IMPG1: variants seen among roughly 807,000 people sequenced by gnomAD.
IMPG1 encodes the protein interphotoreceptor matrix proteoglycan 1.
In IMPG1, 85 loss-of-function variants were observed where a neutral mutation model predicts 92.0. The ratio of observed to expected loss-of-function variants is 0.92; its 90% CI spans 0.78 to 1.11. IMPG1 has a LOEUF of 1.11. IMPG1 is among the 50% of genes least tolerant of loss of function. The pLI is 0.00. For synonymous variants in IMPG1, 367 were observed against 334.1 expected (o/e 1.10, Z -1.08); for missense variants, 1,022 against 956.0 (o/e 1.07, Z -0.91).
In IMPG1 at chr6:75,931,101, A is replaced by G. The variant is rs894799200; in HGVS notation, c.2095T>C (p.Cys699Arg). ...TCCTCAGTCCGTTCGTTCTTTACACATTGGGCAAATTCGCCGCAGGCCAGG... is the reference window on the plus strand; with the variant it reads ...TCCTCAGTCCGTTCGTTCTTTACACGTTGGGCAAATTCGCCGCAGGCCAGG... Reference protein sequence around the residue: ...KFLACGEFAQCVKNERTEEAE... With the variant: ...KFLACGEFAQRVKNERTEEAE... Residue 699 changes from cysteine (C) to arginine (R), a missense_variant, in exon 15 of 17, where the codon TGT becomes CGT. Physicochemically the swap from Cys to Arg is radical, Grantham distance 180. Transcript: ENST00000369950. The G allele has an allele frequency of 9.3e-6, 15 of 1,614,122 alleles. No homozygotes were observed. Among genetic ancestry groups the G allele is most frequent in the Non-Finnish European group, 1.3e-5 (15 of 1,180,008 alleles).
chr6:76,034,847 C>G, intron 2 of IMPG1, 60 bp from the exon 3 acceptor site: 3 of 1,426,402 alleles, frequency 2.1e-6, no homozygotes, highest in Non-Finnish European at 1.9e-6. Context: ...CAATCCCAAG[C>G]AAAGTCTAAT....
Position 76,034,381 on chromosome 6 carries a change from A to C in IMPG1, c.469-38T>G, listed in dbSNP as rs1783699672. The stretch of plus-strand genomic sequence containing the variant: ...AAAGATAAAATGTAATTTTACCAGG[A>C]GATAATGCCAACCGAAGAGTTAAAG... On this transcript the variant is annotated intron_variant, in intron 3 of 16. Transcript: ENST00000369950. 1.9e-6 allele frequency: 3 copies of C among 1,577,648 alleles called. No homozygotes were observed. The South Asian group carries it at 3.3e-5, about 18-fold the overall frequency.
intron 4 of IMPG1, among the ~76,000 whole-genome samples, chr6:76,025,696 A>T (rs1253374015): frequency 2.0e-5 from 3 of 152,074 alleles, no homozygotes; most frequent in African/African-American, 7.2e-5. Context: ...TAATAAAGTA[A>T]CTCTTGTGGT....
At position 75,947,513 on chromosome 6, in the gene IMPG1, G is replaced by T. The variant is rs779171435; in HGVS notation, c.1845C>A (p.Ser615=). 3 of 1,613,332 alleles carry T rather than the reference G, an allele frequency of 1.9e-6. No individual in the cohort carries two copies. Among genetic ancestry groups the T allele is most frequent in the South Asian group, 1.1e-5 (1 of 91,016 alleles). ...CAAGTTGCTTAAATCCTGTAAGATT[G>T]GATCGTAGATATGGAACCAGCTGCA... The part of the protein sequence containing the change: ...FTQLLVPYLR[S]NLTGFKQLEI... Residue 615 remains serine, a synonymous_variant, in exon 14 of 17, where the codon TCC becomes TCA. Coordinates refer to ENST00000369950, the MANE Select transcript of IMPG1 (RefSeq NM_001563.4).
intron 4 of IMPG1, among the ~76,000 whole-genome samples, chr6:76,028,572 G>C (rs1297967069): frequency 6.6e-6 from 1 of 152,218 alleles, no homozygotes; most frequent in East Asian, 1.9e-4. Flanking sequence ...GCTCACGCCT[G>C]TAATCCCAGC....
intron 1 of IMPG1, among the ~76,000 whole-genome samples, chr6:76,071,938 T>C (rs1402227526): frequency 6.6e-6 from 1 of 152,144 alleles, no homozygotes; most frequent in Admixed American, 6.6e-5. Context: ...GTTGTCATCA[T>C]GAACCCTGAA....
chr6:75,974,383 C>CTTTCTT (rs1782488365), intron 12 of IMPG1, among the ~76,000 whole-genome samples: 9 of 75,422 alleles, frequency 1.2e-4, no homozygotes, highest in African/African-American at 4.6e-4. Flanking sequence ...TTCTTTCTTT[C>CTTTCTT]TTTCTTTCTT....
intron 14 of IMPG1, among the ~76,000 whole-genome samples, chr6:75,941,250 C>T (rs1781833292): frequency 6.6e-6 from 1 of 152,166 alleles, no homozygotes; most frequent in Admixed American, 6.5e-5. Context: ...ACTTATCTAA[C>T]TTTTCTGTAA....
intron 12 of IMPG1, among the ~76,000 whole-genome samples, chr6:75,951,957 A>G (rs898274482): frequency 9.9e-5 from 15 of 152,124 alleles, no homozygotes; most frequent in African/African-American, 2.9e-4. Flanking sequence ...AATAATAATA[A>G]TAATAATAAA....
At chr6:75,997,758 C>T (rs1330229230) in intron 12 of IMPG1, among the ~76,000 whole-genome samples, 2 of 152,100 alleles carry the variant, frequency 1.3e-5, no homozygotes, top group Non-Finnish European at 2.9e-5. Context: ...CTGTGCTTAG[C>T]ACAGGAATTT....
chr6:75,998,909 T>C (rs1010330118), intron 12 of IMPG1, among the ~76,000 whole-genome samples: 1 of 152,026 alleles, frequency 6.6e-6, no homozygotes, highest in Non-Finnish European at 1.5e-5. Flanking sequence ...CAGACTGGAG[T>C]GTAGTGGAGC....
At position 75,953,098 on chromosome 6, in the gene IMPG1, G is replaced by T. The variant is rs114713617; in HGVS notation, c.1292-2004C>A. On this transcript the variant is annotated intron_variant, in intron 12 of 16. Transcript: ENST00000369950. Reference sequence around the variant, plus strand: ...TATGATGTGATCTCTGCTCCTGCGGGTGATAAGAGTTGGCAAGAAGCACAA... The same window carrying T: ...TATGATGTGATCTCTGCTCCTGCGGTTGATAAGAGTTGGCAAGAAGCACAA... Among the ~76,000 whole-genome samples the T allele has an allele frequency of 3.2e-3, 486 of 151,906 alleles. 1 individual carries two copies. The highest frequency in any genetic ancestry group is 0.011 in the African/African-American group (449 of 41,222).
chr6:75,982,541 A>ATATCTATCTATCTATCTATCATCTATC (rs1782644037), intron 12 of IMPG1, among the ~76,000 whole-genome samples: 1 of 146,628 alleles, frequency 6.8e-6, no homozygotes, highest in African/African-American at 2.5e-5. Context: ...AAAAATGTGT[A>ATATCTATCTATCTATCTATCATCTATC]TATCTATCTA....
intron 12 of IMPG1, among the ~76,000 whole-genome samples, chr6:75,982,014 G>T (rs1002230732): frequency 6.6e-6 from 1 of 152,084 alleles, no homozygotes; most frequent in African/African-American, 2.4e-5. Flanking sequence ...TTTAAAATAT[G>T]ATATTTCTTC....
chr6:76,007,748 GT>G (rs1783122256), intron 8 of IMPG1, among the ~76,000 whole-genome samples: 1 of 152,110 alleles, frequency 6.6e-6, no homozygotes, highest in African/African-American at 2.4e-5. Flanking sequence ...TTGAGCCTTA[GT>G]TCAAAGATTA....
rs752746597 is a variant in IMPG1, at chr6:75,931,090, G to A, written c.2106C>T (p.Asn702=). The A allele has an allele frequency of 1.4e-5, 22 of 1,614,012 alleles. No individual in the cohort carries two copies. The highest frequency in any genetic ancestry group is 1.6e-4 in the Middle Eastern group (1 of 6,084). Residue 702 remains asparagine (N), a synonymous_variant, in exon 15 of 17, where the codon AAC becomes AAT. Transcript: ENST00000369950. ...GACACTCCGCTTCCTCAGTCCGTTC[G>A]TTCTTTACACATTGGGCAAATTCGC... ...ACGEFAQCVK[N]ERTEEAECRC... is the part of the protein sequence containing the mutation.
At chr6:76,026,012 A>G (rs1189500906) in intron 4 of IMPG1, among the ~76,000 whole-genome samples, 1 of 151,970 alleles carries the variant, frequency 6.6e-6, no homozygotes. Context: ...GAGCCTTGGG[A>G]AGTTTGTGCA....
At chr6:75,944,556 C>T (rs1180336983) in intron 14 of IMPG1, among the ~76,000 whole-genome samples, 1 of 152,182 alleles carries the variant, frequency 6.6e-6, no homozygotes, top group Non-Finnish European at 1.5e-5. Context: ...CTAACTGGTG[C>T]AACATAGCCA....
At chr6:75,949,105 A>C (rs1376568798) in intron 13 of IMPG1, among the ~76,000 whole-genome samples, 1 of 152,220 alleles carries the variant, frequency 6.6e-6, no homozygotes, top group Non-Finnish European at 1.5e-5. Context: ...CTTAGCATGA[A>C]CCCTAATTAA....
Sources: allele counts gnomAD v4.1 joint callset (sites outside exome capture counted in the v4.1 genomes callset), GRCh38; gene constraint gnomAD v4.1.1; transcripts MANE v1.5; gene names NCBI Gene and HGNC (gene_info 2026-07-23, HGNC 2026-07-21).